The following EPHA4 variants were observed in gnomAD, a reference collection of about 807,000 sequenced individuals.
The protein encoded by EPHA4 is EPH receptor A4.
EPHA4 carries 19 observed loss-of-function variants against 108.3 expected under a neutral mutation model. The observed-to-expected ratio is 0.18, with a 90% confidence interval of 0.12 to 0.26. EPHA4 has a LOEUF of 0.26. EPHA4 is among the 10% of genes least tolerant of loss of function. The pLI, the probability that EPHA4 is intolerant of heterozygous loss-of-function variation, is 1.00. For missense variants in EPHA4, 917 were observed against 1,254.0 expected (o/e 0.73, Z 4.06); for synonymous variants, 449 against 455.5 (o/e 0.99, Z 0.18).
chr2:221,536,327 T>C (rs1289634726), intron 3 of EPHA4, among the ~76,000 whole-genome samples: 1 of 152,196 alleles, frequency 6.6e-6, no homozygotes, highest in Non-Finnish European at 1.5e-5. Context: ...CCTCTAAAGA[T>C]TATAAGCCTT....
chr2:221,486,268 A>G (rs1044260646), intron 4 of EPHA4, among the ~76,000 whole-genome samples: 2 of 152,158 alleles, frequency 1.3e-5, no homozygotes, highest in African/African-American at 2.4e-5. Context: ...ACTACCCACT[A>G]CTAGCCTCAA....
intron 3 of EPHA4, among the ~76,000 whole-genome samples, chr2:221,540,932 C>CTTTT (rs762353327): frequency 1.7e-5 from 2 of 120,628 alleles, no homozygotes; most frequent in African/African-American, 3.1e-5. Context: ...GGAAAACTGT[C>CTTTT]TTTTTTTTTT....
chr2:221,482,485 G>A lies in EPHA4; in HGVS notation c.1185C>T (p.Thr395=), dbSNP rs1411996368. The change falls in exon 5 of 18, where the codon ACC becomes ACT. Residue 395 remains threonine, a synonymous_variant. Transcript: ENST00000281821. Reference sequence around the variant, plus strand: ...GGAGGTCAGTGATGGAGACTTTGGTGGTCTTCAAGCCATTCTGCTGTGGGG... The same window carrying A: ...GGAGGTCAGTGATGGAGACTTTGGTAGTCTTCAAGCCATTCTGCTGTGGGG... ...HYTPQQNGLK[T]TKVSITDLLA... 1 of 1,613,942 alleles carries A rather than the reference G, an allele frequency of 6.2e-7. No individual in the cohort carries two copies. The highest frequency in any genetic ancestry group is 1.3e-5 in the African/African-American group (1 of 74,908).
At chr2:221,478,199 C>T (rs1481234820) in intron 5 of EPHA4, among the ~76,000 whole-genome samples, 1 of 151,028 alleles carries the variant, frequency 6.6e-6, no homozygotes, top group East Asian at 2.0e-4. Flanking sequence ...CTACTGCTGG[C>T]TGCCATCACA....
intron 3 of EPHA4, among the ~76,000 whole-genome samples, chr2:221,505,402 T>C (rs1692598482): frequency 6.6e-6 from 1 of 152,146 alleles, no homozygotes. Context: ...CTCAGCTCAC[T>C]GCAACCTCCG....
chr2:221,499,756 A>ATATATATTTT (rs1334015871), intron 4 of EPHA4, among the ~76,000 whole-genome samples: 5 of 26,226 alleles, frequency 1.9e-4, no homozygotes, highest in Admixed American at 7.5e-4. Flanking sequence ...ATATATATAT[A>ATATATATTTT]TTTTTTTTTT....
intron 3 of EPHA4, among the ~76,000 whole-genome samples, chr2:221,537,771 T>C (rs959632753): frequency 3.3e-5 from 5 of 151,974 alleles, no homozygotes; most frequent in African/African-American, 1.2e-4. Flanking sequence ...GCCTAGGCAA[T>C]AGAGTGAGAT....
chr2:221,519,763 C>CAGGGTTTAGAAACAA (rs1693103302), intron 3 of EPHA4, among the ~76,000 whole-genome samples: 1 of 152,186 alleles, frequency 6.6e-6, no homozygotes, highest in African/African-American at 2.4e-5. Context: ...GGGAGCTACT[C>CAGGGTTTAGAAACAA]AGGGTTTAGA....
chr2:221,534,953 A>G (rs1011847292), intron 3 of EPHA4, among the ~76,000 whole-genome samples: 1 of 152,230 alleles, frequency 6.6e-6, no homozygotes, highest in Middle Eastern at 3.2e-3. Flanking sequence ...TATACTGGCT[A>G]ATTTCTAGCT....
chr2:221,435,282 G>T (rs1181236431), intron 13 of EPHA4, among the ~76,000 whole-genome samples: 2 of 152,074 alleles, frequency 1.3e-5, no homozygotes, highest in African/African-American at 4.8e-5. Context: ...ATTTGGCTAA[G>T]GTTTTATCTA....
intron 3 of EPHA4, among the ~76,000 whole-genome samples, chr2:221,535,626 C>T (rs1231798991): frequency 6.7e-6 from 1 of 149,406 alleles, no homozygotes; most frequent in Non-Finnish European, 1.5e-5. Context: ...GTTATTTTCT[C>T]CTTTTGTTCA....
chr2:221,551,195 C>G (rs574402200), intron 3 of EPHA4, among the ~76,000 whole-genome samples: 1 of 151,836 alleles, frequency 6.6e-6, no homozygotes, highest in Non-Finnish European at 1.5e-5. Context: ...TAGAAAACTC[C>G]GGAGAATTAA....
At chr2:221,506,301 T>C (rs774985066) in intron 3 of EPHA4, among the ~76,000 whole-genome samples, 1 of 152,194 alleles carries the variant, frequency 6.6e-6, no homozygotes. Context: ...CTATTTCTTA[T>C]GTTAATAATA....
chr2:221,535,919 T>C (rs775565228), intron 3 of EPHA4, among the ~76,000 whole-genome samples: 1 of 152,214 alleles, frequency 6.6e-6, no homozygotes, highest in Non-Finnish European at 1.5e-5. Flanking sequence ...ACTCTTCCTC[T>C]GCTCTTCAAA....
At chr2:221,482,933 T>C (rs1344159390) in intron 4 of EPHA4, among the ~76,000 whole-genome samples, 1 of 152,202 alleles carries the variant, frequency 6.6e-6, no homozygotes, top group African/African-American at 2.4e-5. Flanking sequence ...CTTTGAGATG[T>C]GAAGCAACTC....
chr2:221,564,008 G>A lies in EPHA4; in HGVS notation c.546C>T (p.Tyr182=). Residue 182 remains tyrosine, a synonymous_variant, in exon 3 of 18, where the codon TAC becomes TAT. Coordinates refer to ENST00000281821, the MANE Select transcript of EPHA4 (RefSeq NM_004438.5). ...AGGCCCCCACATCCTGAAAAGCCAG[G>A]TAAAACCCCTTTTTGCTTAATGGCC... The part of the protein sequence containing the change: ...DVGPLSKKGF[Y]LAFQDVGACI... 6.2e-7 allele frequency: 1 copy of A among 1,613,986 alleles called. No homozygotes were observed. Among genetic ancestry groups the A allele is most frequent in the African/African-American group, 1.3e-5 (1 of 74,988 alleles).
At chr2:221,499,736 ATATATATATATATATATATATT>A (rs1358014020) in intron 4 of EPHA4, among the ~76,000 whole-genome samples, 3 of 49,536 alleles carry the variant, frequency 6.1e-5, no homozygotes, top group Non-Finnish European at 1.1e-4. Flanking sequence ...ATATATATAT[ATATATATATATATATATATATT>A]TTTTTTTTTT....
At chr2:221,564,887 CAAAAAA>C (rs1233305564) in intron 2 of EPHA4, among the ~76,000 whole-genome samples, 58 of 73,066 alleles carry the variant, frequency 7.9e-4, no homozygotes, top group East Asian at 4.2e-3. Context: ...TCTAATACCT[CAAAAAA>C]AAAAAAAAAA....
intron 4 of EPHA4, among the ~76,000 whole-genome samples, chr2:221,490,718 G>A (rs938915282): frequency 2.0e-5 from 3 of 152,164 alleles, no homozygotes; most frequent in Non-Finnish European, 4.4e-5. Context: ...TCTCTCTCCA[G>A]CTGAAAGACA....
Sources: gnomAD v4.1 joint callset for allele counts (sites outside exome capture counted in the v4.1 genomes callset) on GRCh38, gnomAD v4.1.1 for gene constraint, MANE v1.5 for transcripts, NCBI Gene and HGNC (gene_info 2026-07-23, HGNC 2026-07-21) for gene names.